The following AKNA variants were observed in gnomAD, a reference collection of about 807,000 sequenced individuals.
AKNA encodes microtubule organization protein AKNA.
AKNA carries 67 observed loss-of-function variants against 138.8 expected under a neutral mutation model. That is an observed-to-expected ratio of 0.48 (90% CI 0.40 to 0.59). The LOEUF (loss-of-function observed/expected upper bound fraction) is 0.59, where lower values mean the gene tolerates loss of function less well. Among genes scored for constraint, AKNA ranks in the 20% least tolerant of loss-of-function variants. AKNA has a pLI of 0.00. For missense variants in AKNA, 1,813 were observed against 1,880.4 expected, an observed-to-expected ratio of 0.96 and a Z score of 0.66; for synonymous variants, 737 against 754.4, an observed-to-expected ratio of 0.98 and a Z score of 0.38.
intron 5 of AKNA, chr9:114,368,113 A>G (rs1387562444): frequency 3.3e-6 from 1 of 301,736 alleles, no homozygotes. Flanking sequence ...TGTGGGGATT[A>G]AGTGAGGTCA....
upstream of AKNA, among the ~76,000 whole-genome samples, chr9:114,390,191 T>C (rs1193694838): frequency 2.0e-5 from 3 of 152,154 alleles, no homozygotes; most frequent in Non-Finnish European, 2.9e-5. Context: ...CCGCCTGCAG[T>C]GCAGTCTGTT....
In AKNA at chr9:114,336,834, G is replaced by A. The variant is rs1319821131; in HGVS notation, c.*220C>T. 2.2e-5 allele frequency: 11 copies of A among 493,596 alleles called. No homozygotes were observed. The South Asian group carries it at 5.3e-4, about 24-fold the overall frequency. The allele number at this position is 493,596 out of a possible 1,614,324, so 30.6% of individuals were successfully genotyped here. A position where few individuals can be genotyped will look rare whatever the true frequency, so the allele number is the denominator to read the frequency against. Reference sequence around the variant, plus strand: ...CCTCGCTCACAGCACCTCTGTGAGGGGACTGGTGCTCCTGGGAAGTCACTT... The same window carrying A: ...CCTCGCTCACAGCACCTCTGTGAGGAGACTGGTGCTCCTGGGAAGTCACTT... On this transcript the variant is annotated 3_prime_UTR_variant, in exon 22 of 22. Coordinates refer to ENST00000374088, the MANE Select transcript of AKNA (RefSeq NM_001317950.2).
At position 114,345,922 on chromosome 9, in the gene AKNA, T is replaced by C. The variant is rs1259526913; in HGVS notation, c.3602A>G (p.Lys1201Arg). 1.2e-6 allele frequency: 2 copies of C among 1,613,856 alleles called. No individual in the cohort carries two copies. The highest frequency in any genetic ancestry group is 1.7e-5 in the Admixed American group (1 of 59,996). The change falls in exon 18 of 22, where the codon AAG (lysine) becomes AGG (arginine). Residue 1201 changes from lysine to arginine, a missense_variant. Lys to Arg is a conservative substitution (Grantham distance 26, BLOSUM62 2). Coordinates refer to ENST00000374088, the MANE Select transcript of AKNA (RefSeq NM_001317950.2). ...CCATCCAGCACTGCCCACCCCTCTC[T>C]TTCCATCCCGAGCTGCCTGTGGACT... ...KDSPQAARDG[K>R]RGVGSAGWPD... is the part of the protein sequence containing the mutation.
At chr9:114,380,564 C>T (rs899567202) in intron 2 of AKNA, among the ~76,000 whole-genome samples, 1 of 152,170 alleles carries the variant, frequency 6.6e-6, no homozygotes, top group Non-Finnish European at 1.5e-5. Context: ...TGTGCTTATA[C>T]TTTCCGGTTG....
chr9:114,390,278 G>A (rs1834284065), upstream of AKNA, among the ~76,000 whole-genome samples: 1 of 151,574 alleles, frequency 6.6e-6, no homozygotes, highest in African/African-American at 2.4e-5. Flanking sequence ...TTGGATCACT[G>A]TCCCCACCCA....
At chr9:114,339,867 C>T (rs1305525933) in intron 21 of AKNA, among the ~76,000 whole-genome samples, 1 of 152,156 alleles carries the variant, frequency 6.6e-6, no homozygotes, top group African/African-American at 2.4e-5. Flanking sequence ...GAGGCCAATG[C>T]GGGCAGATCA....
chr9:114,379,501 C>T (rs942656585), intron 2 of AKNA, among the ~76,000 whole-genome samples: 2 of 152,194 alleles, frequency 1.3e-5, no homozygotes. Context: ...AATGGCTCCT[C>T]AGTGGGCAGT....
Position 114,381,090 on chromosome 9 carries a change from C to G in AKNA, c.244G>C (p.Asp82His), listed in dbSNP as rs1833630472. Reference sequence around the variant, plus strand: ...CCCGAAGTCTCTCCTGACTCGGAATCCTGATGCCCATCGGGCTGCGGGTGT... The same window carrying G: ...CCCGAAGTCTCTCCTGACTCGGAATGCTGATGCCCATCGGGCTGCGGGTGT... ...DPHPQPDGHQDSESGETSGEE... is the reference protein window; with the variant it reads ...DPHPQPDGHQHSESGETSGEE... The change falls in exon 2 of 22, where the codon GAT becomes CAT. Residue 82 changes from aspartate (D) to histidine (H), a missense_variant. Physicochemically the swap from Asp to His is moderately conservative, Grantham distance 81. Coordinates refer to ENST00000374088, the MANE Select transcript of AKNA (RefSeq NM_001317950.2). 6 of 1,588,618 alleles carry G rather than the reference C, an allele frequency of 3.8e-6. No individual in the cohort carries two copies. The East Asian group carries it at 1.3e-4, about 36-fold the overall frequency.
chr9:114,389,159 C>T (rs760980258), upstream of AKNA, among the ~76,000 whole-genome samples: 6 of 152,018 alleles, frequency 3.9e-5, no homozygotes, highest in Non-Finnish European at 7.4e-5. Flanking sequence ...AGTGGAAAGG[C>T]CAAGGTGGGG....
At position 114,368,473 on chromosome 9, in the gene AKNA, GC is replaced by G. The variant is rs1832535457; in HGVS notation, c.1538del (p.Gly513AlafsTer21). 3.0e-6 allele frequency: 4 copies of G among 1,336,054 alleles called. No homozygotes were observed. The Admixed American group carries it at 1.2e-4, about 41-fold the overall frequency. The allele number at this position is 1,336,054 out of a possible 1,614,324, so 82.8% of individuals were successfully genotyped here. ...PQPRSAEWWP[G>X]PAEDPQASAA... is the part of the protein sequence containing the mutation. ...CAGAGGCCTGGGGGTCCTCGGCCGG[GC>G]CCGGCCACCACTCTGCAGAGCGGGG... is the stretch of plus-strand genomic sequence containing the variant. On this transcript the variant is annotated frameshift_variant, in exon 5 of 22. Transcript: ENST00000374088. LOFTEE classifies it high-confidence loss of function.
rs1831750183 is a variant in AKNA at position 114,359,374 on chromosome 9, T to TAA, written c.2492+218_2492+219dup. ...ATGAGCCACTGTGCCCAGCTGAGAA[T>TAA]AATGTTCTTTAATACTGCATGTGTC... On this transcript the variant is annotated intron_variant, in intron 11 of 21. Coordinates refer to ENST00000374088, the MANE Select transcript of AKNA (RefSeq NM_001317950.2). The TAA allele has an allele frequency of 4.4e-6, 4 of 913,526 alleles. No individual in the cohort carries two copies. The East Asian group carries it at 1.1e-4, about 25-fold the overall frequency. The allele number at this position is 913,526 out of a possible 1,614,324, so 56.6% of individuals were successfully genotyped here. A position where few individuals can be genotyped will look rare whatever the true frequency, so the allele number is the denominator to read the frequency against.
chr9:114,330,644 T>C, downstream of AKNA: 1 of 1,599,600 alleles, frequency 6.3e-7, no homozygotes, highest in Non-Finnish European at 8.6e-7. Flanking sequence ...AAGTCCCTCC[T>C]TCTTCCTGGC....
chr9:114,348,502 A>G (rs1830857919), intron 15 of AKNA, among the ~76,000 whole-genome samples: 1 of 152,160 alleles, frequency 6.6e-6, no homozygotes, highest in Non-Finnish European at 1.5e-5. Flanking sequence ...GTGAGTGGAG[A>G]GCGGACAGGG....
chr9:114,349,377 G>T (rs1830941506), intron 15 of AKNA, among the ~76,000 whole-genome samples: 1 of 152,164 alleles, frequency 6.6e-6, no homozygotes. Context: ...AGTCACTCTA[G>T]ATCCCCTCCT....
chr9:114,384,141 A>G (rs1372055024), intron 1 of AKNA, among the ~76,000 whole-genome samples: 1 of 152,268 alleles, frequency 6.6e-6, no homozygotes, highest in Non-Finnish European at 1.5e-5. Context: ...GCAACTGTCA[A>G]TTCTGGCCTA....
At chr9:114,338,366 G>C (rs1588934442) in intron 21 of AKNA, among the ~76,000 whole-genome samples, 1 of 152,252 alleles carries the variant, frequency 6.6e-6, no homozygotes, top group African/African-American at 2.4e-5. Context: ...AAAAAGGACA[G>C]ATAGCAACAA....
chr9:114,330,997 G>A (rs113633242), downstream of AKNA: 13 of 681,730 alleles, frequency 1.9e-5, no homozygotes, highest in South Asian at 7.3e-5. Context: ...CTCTTACCAC[G>A]TGCTCAGAAA....
chr9:114,340,579 G>A (rs1830275119), intron 21 of AKNA, among the ~76,000 whole-genome samples: 2 of 152,122 alleles, frequency 1.3e-5, no homozygotes, highest in South Asian at 2.1e-4. Context: ...TAATCCTCAC[G>A]CACAGGATTA....
chr9:114,377,958 G>A (rs376227346), intron 2 of AKNA, among the ~76,000 whole-genome samples: 1 of 152,084 alleles, frequency 6.6e-6, no homozygotes, highest in African/African-American at 2.4e-5. Context: ...CTTAGCTCGC[G>A]TCCCATCCTC....
Sources: allele counts gnomAD v4.1 joint callset (sites outside exome capture counted in the v4.1 genomes callset), GRCh38; gene constraint gnomAD v4.1.1; transcripts MANE v1.5; gene names NCBI Gene and HGNC (gene_info 2026-07-23, HGNC 2026-07-21).